The following TMBIM6 variants were observed in gnomAD, a reference collection of about 807,000 sequenced individuals.
TMBIM6 encodes bax inhibitor 1.
A neutral mutation model predicts 31.4 loss-of-function variants in TMBIM6; 13 were observed. The observed-to-expected ratio is 0.41, with a 90% CI of 0.27 to 0.66. The LOEUF (loss-of-function observed/expected upper bound fraction) is 0.66. TMBIM6 is among the 30% of genes least tolerant of loss of function. The pLI is 0.28. For synonymous variants in TMBIM6, 85 were observed against 101.7 expected, an observed-to-expected ratio of 0.84 and a Z score of 0.99; for missense variants, 275 against 289.5, an observed-to-expected ratio of 0.95 and a Z score of 0.36.
At position 49,764,739 on chromosome 12, in the gene TMBIM6, AAC is replaced by A. The variant is rs1565576948; in HGVS notation, c.*1846_*1847del. 4 of 152,172 alleles carry A rather than the reference AAC, an allele frequency of 2.6e-5. 1 individual carries two copies. The highest frequency in any genetic ancestry group is 4.8e-5 in the African/African-American group (2 of 41,312). The allele number at this position is 152,172 out of a possible 1,614,324, so 9.4% of individuals were successfully genotyped here. On this transcript the variant is annotated 3_prime_UTR_variant, in exon 10 of 10. Transcript: ENST00000267115. ...AAAAAAAAAGAAAGAAAAAAAAAAAAACACCTACTTTTAAAGAAAATACCTAA... is the reference window on the plus strand; with the variant it reads ...AAAAAAAAAGAAAGAAAAAAAAAAAAACCTACTTTTAAAGAAAATACCTAA...
chr12:49,741,786 G>C (rs1208436847), intron 1 of TMBIM6, 175 bp downstream of exon 1: 1 of 269,340 alleles, frequency 3.7e-6, no homozygotes, highest in Non-Finnish European at 7.2e-6. Flanking sequence ...GGGAAGCTAG[G>C]GAACTAGTGC....
rs561884371 is a variant in TMBIM6 at position 49,743,944 on chromosome 12, G to T, written c.-31+2333G>T. On this transcript the variant is annotated intron_variant, in intron 1 of 9. Transcript: ENST00000267115. ...TTCTTATTGGCATTCAGTAGAGCAG[G>T]TATTGATCATCATCGTTATCTTACA... Among the ~76,000 whole-genome samples, 4 of 152,288 alleles carry T rather than the reference G, an allele frequency of 2.6e-5. No individual in the cohort carries two copies. The East Asian group carries it at 5.8e-4, about 22-fold the overall frequency.
intron 1 of TMBIM6, among the ~76,000 whole-genome samples, chr12:49,745,375 T>G (rs765239826): frequency 3.9e-5 from 6 of 152,146 alleles, no homozygotes; most frequent in South Asian, 2.1e-4. Context: ...TTATGATGAT[T>G]GGACTTAATG....
chr12:49,752,499 C>T lies in TMBIM6; in HGVS notation c.6C>T (p.Asn2=), dbSNP rs552838440. The T allele has an allele frequency of 1.3e-5, 21 of 1,613,414 alleles. No homozygotes were observed. The African/African-American group carries it at 2.1e-4, about 16-fold the overall frequency. Residue 2 remains asparagine (N), a synonymous_variant, in exon 2 of 10, where the codon AAC becomes AAT. Coordinates refer to ENST00000267115, the MANE Select transcript of TMBIM6 (RefSeq NM_003217.3). M[N]IFDRKINFDA... is the part of the protein sequence containing the mutation. ...GCTGCACGGACTCTGGAACCATGAA[C>T]ATATTTGATCGAAAGATCAACTTTG...
intron 3 of TMBIM6, among the ~76,000 whole-genome samples, chr12:49,753,323 A>G (rs976308230): frequency 6.6e-6 from 1 of 152,214 alleles, no homozygotes; most frequent in Non-Finnish European, 1.5e-5. Flanking sequence ...CTGCTGACGT[A>G]CAAGACCCCC....
chr12:49,752,005 C>T (rs921107457), intron 1 of TMBIM6, among the ~76,000 whole-genome samples: 7 of 152,012 alleles, frequency 4.6e-5, no homozygotes, highest in Non-Finnish European at 8.8e-5. Flanking sequence ...TCAGGTGATC[C>T]GCCCACCTCA....
chr12:49,742,005 C>T, intron 1 of TMBIM6: 1 of 1,334,872 alleles, frequency 7.5e-7, no homozygotes, highest in South Asian at 1.4e-5. Context: ...CAGAGCACGT[C>T]CTTCCGAGGT....
At chr12:49,755,274 G>GA (rs1368725228) in intron 3 of TMBIM6, among the ~76,000 whole-genome samples, 1 of 152,080 alleles carries the variant, frequency 6.6e-6, no homozygotes, top group African/African-American at 2.4e-5. Context: ...ACCAAAGGGG[G>GA]ATCATTTCTA....
chr12:49,752,479 A>G lies in TMBIM6; in HGVS notation c.-15A>G, dbSNP rs1466654578. 1 of 1,613,018 alleles carries G rather than the reference A, an allele frequency of 6.2e-7. No homozygotes were observed. The highest frequency in any genetic ancestry group is 8.5e-7 in the Non-Finnish European group (1 of 1,179,904). ...TATTCTGCAGAGTGGAGACTGCTGC[A>G]CGGACTCTGGAACCATGAACATATT... On this transcript the variant is annotated 5_prime_UTR_variant, in exon 2 of 10. Coordinates refer to ENST00000267115, the MANE Select transcript of TMBIM6 (RefSeq NM_003217.3).
At chr12:49,746,319 A>G (rs530547532) in intron 1 of TMBIM6, among the ~76,000 whole-genome samples, 1 of 151,998 alleles carries the variant, frequency 6.6e-6, no homozygotes, top group East Asian at 1.9e-4. Flanking sequence ...CCTGACCTCA[A>G]GTGATCCGCC....
At chr12:49,761,814 A>G (rs1189128633) in intron 9 of TMBIM6, 35 bp downstream of exon 9, 2 of 1,601,888 alleles carry the variant, frequency 1.2e-6, no homozygotes, top group African/African-American at 1.3e-5. Context: ...TGAGACAATA[A>G]TGGCTCCTGA....
intron 1 of TMBIM6, among the ~76,000 whole-genome samples, chr12:49,748,054 C>T (rs919134022): frequency 2.0e-5 from 3 of 152,106 alleles, no homozygotes; most frequent in Admixed American, 6.6e-5. Flanking sequence ...TAGGTGCCCG[C>T]CATCACGCCC....
At chr12:49,752,913 C>G in intron 2 of TMBIM6, 60 bp from the exon 3 acceptor site, 6 of 1,465,944 alleles carry the variant, frequency 4.1e-6, no homozygotes, top group Non-Finnish European at 5.6e-6. Flanking sequence ...AATGATTCTT[C>G]TTAGCTTAAA....
intron 6 of TMBIM6, 85 bp from the exon 7 acceptor site, chr12:49,758,598 T>C: frequency 6.4e-7 from 1 of 1,558,044 alleles, no homozygotes; most frequent in Admixed American, 1.7e-5. Flanking sequence ...ACCTTCATTC[T>C]GGGGGAAGTT....
chr12:49,752,417 T>G, intron 1 of TMBIM6, 47 bp from the exon 2 acceptor site: 8 of 1,295,680 alleles, frequency 6.2e-6, no homozygotes, highest in African/African-American at 3.0e-5. Context: ...AAGCTGTTCG[T>G]GTGATTCTGT....
chr12:49,763,674 T>C lies in TMBIM6; in HGVS notation c.*778T>C, dbSNP rs1462369148. On this transcript the variant is annotated 3_prime_UTR_variant, in exon 10 of 10. Transcript: ENST00000267115. ...TAGGGTTCCCCTAAACTTGCCCTGT[T>C]TTTGTTTTTTTAGTTTGTTATCCCC... The C allele has an allele frequency of 1.3e-5, 2 of 152,166 alleles. No homozygotes were observed. Among genetic ancestry groups the C allele is most frequent in the African/African-American group, 4.8e-5 (2 of 41,420 alleles). The allele number at this position is 152,166 out of a possible 1,614,324, so 9.4% of individuals were successfully genotyped here. A position where few individuals can be genotyped will look rare whatever the true frequency, so the allele number is the denominator to read the frequency against.
rs776656875 is a variant in TMBIM6, at chr12:49,752,481, G to T, written c.-13G>T. The T allele has an allele frequency of 6.2e-7, 1 of 1,612,728 alleles. No homozygotes were observed. Among genetic ancestry groups the T allele is most frequent in the African/African-American group, 1.3e-5 (1 of 74,724 alleles). ...TTCTGCAGAGTGGAGACTGCTGCAC[G>T]GACTCTGGAACCATGAACATATTTG... is the stretch of plus-strand genomic sequence containing the variant. On this transcript the variant is annotated 5_prime_UTR_variant, in exon 2 of 10. Coordinates refer to ENST00000267115, the MANE Select transcript of TMBIM6 (RefSeq NM_003217.3).
chr12:49,753,829 G>A (rs1281270225), intron 3 of TMBIM6, among the ~76,000 whole-genome samples: 1 of 151,956 alleles, frequency 6.6e-6, no homozygotes, highest in Non-Finnish European at 1.5e-5. Flanking sequence ...AAATAATTTA[G>A]TAAAATACAG....
intron 1 of TMBIM6, among the ~76,000 whole-genome samples, chr12:49,745,474 C>T (rs1945373840): frequency 1.3e-5 from 2 of 152,140 alleles, no homozygotes; most frequent in South Asian, 2.1e-4. Context: ...CCTGTAATCC[C>T]AGCACTTTGG....
Sources: gnomAD v4.1 joint callset for allele counts (sites outside exome capture counted in the v4.1 genomes callset) on GRCh38, gnomAD v4.1.1 for gene constraint, MANE v1.5 for transcripts, NCBI Gene and HGNC (gene_info 2026-07-23, HGNC 2026-07-21) for gene names.